HSDL2: variants seen among roughly 807,000 people sequenced by gnomAD.
HSDL2 encodes hydroxysteroid dehydrogenase-like protein 2.
HSDL2 carries 27 observed loss-of-function variants against 46.3 expected under a neutral mutation model. The ratio of observed to expected loss-of-function variants is 0.58; its 90% CI spans 0.43 to 0.80. The LOEUF (loss-of-function observed/expected upper bound fraction) is 0.80. Ranked by LOEUF, HSDL2 falls within the 30% of genes least tolerant of loss-of-function variation. HSDL2 has a pLI of 0.00. For missense variants in HSDL2, 451 were observed against 502.7 expected, an observed-to-expected ratio of 0.90 and a Z score of 0.98; for synonymous variants, 153 against 163.6, an observed-to-expected ratio of 0.94 and a Z score of 0.50.
Position 112,458,320 on chromosome 9 carries a change from C to CT in HSDL2, c.1016-1113dup, listed in dbSNP as rs202071222. 1.0e-4 allele frequency among the ~76,000 whole-genome samples: 12 copies of CT among 119,628 alleles called. 1 individual carries two copies. The highest frequency in any genetic ancestry group is 2.3e-4 in the East Asian group (1 of 4,412). The allele number at this position is 119,628 out of a possible 152,430, so 78.5% of individuals were successfully genotyped here. A position where few individuals can be genotyped will look rare whatever the true frequency, so the allele number is the denominator to read the frequency against. On this transcript the variant is annotated intron_variant, in intron 9 of 10. Coordinates refer to ENST00000398805, the MANE Select transcript of HSDL2 (RefSeq NM_032303.5). Reference sequence around the variant, plus strand: ...ATACATAACATTTTAACCACTTCTTCTTTTTTTTTTTTTTTTCTTTTGAGA... The same window carrying CT: ...ATACATAACATTTTAACCACTTCTTCTTTTTTTTTTTTTTTTTCTTTTGAGA...
Position 112,455,409 on chromosome 9 carries a change from T to C in HSDL2, c.1015+1247T>C, listed in dbSNP as rs184563279. ...TGCCATCCTTGGAATCCATCATCCA[T>C]GGCTTTAGTCACTCTCTTGCTTGTG... On this transcript the variant is annotated intron_variant, in intron 9 of 10. Transcript: ENST00000398805. 1.6e-3 allele frequency among the ~76,000 whole-genome samples: 248 copies of C among 152,342 alleles called. 1 individual carries two copies. Among genetic ancestry groups the C allele is most frequent in the African/African-American group, 5.8e-3 (242 of 41,580 alleles).
chr9:112,405,478 A>G (rs979477812), intron 2 of HSDL2, 146 bp from the exon 3 acceptor site: 23 of 564,516 alleles, frequency 4.1e-5, no homozygotes, highest in Non-Finnish European at 7.1e-5. Context: ...GTCCTGCTAT[A>G]TGGTAGAGTC....
intron 9 of HSDL2, among the ~76,000 whole-genome samples, chr9:112,457,621 G>C (rs574255847): frequency 1.3e-5 from 2 of 152,162 alleles, no homozygotes; most frequent in African/African-American, 4.8e-5. Flanking sequence ...CTCTAGCCTA[G>C]GCAACAGAGC....
At chr9:112,455,290 AAGGCTACCTC>A (rs1475429038) in intron 9 of HSDL2, among the ~76,000 whole-genome samples, 3 of 138,298 alleles carry the variant, frequency 2.2e-5, no homozygotes, top group African/African-American at 8.3e-5. Flanking sequence ...TAAAAAAAAA[AAGGCTACCTC>A]AGCCCCATTA....
At chr9:112,416,650 C>T (rs1480798754) in intron 4 of HSDL2, among the ~76,000 whole-genome samples, 191 bp from the exon 5 acceptor site, 3 of 150,642 alleles carry the variant, frequency 2.0e-5, no homozygotes, top group African/African-American at 4.9e-5. Context: ...CCTGTAGTTC[C>T]AGCTACTCGG....
chr9:112,401,616 A>G (rs767971869), intron 1 of HSDL2, among the ~76,000 whole-genome samples: 12 of 152,028 alleles, frequency 7.9e-5, no homozygotes, highest in Non-Finnish European at 1.8e-4. Context: ...GCCTGGGGCC[A>G]TAGTTTGCAG....
chr9:112,466,001 C>G (rs553332599), intron 10 of HSDL2, among the ~76,000 whole-genome samples: 1 of 152,160 alleles, frequency 6.6e-6, no homozygotes, highest in Non-Finnish European at 1.5e-5. Flanking sequence ...ACATTCCCAA[C>G]GGCAATGTAC....
chr9:112,437,255 T>G (rs1832548146), intron 6 of HSDL2, among the ~76,000 whole-genome samples: 1 of 152,084 alleles, frequency 6.6e-6, no homozygotes, highest in Admixed American at 6.6e-5. Flanking sequence ...CCACCGCACC[T>G]AGCTATTTTC....
chr9:112,408,453 T>C (rs917488134), intron 3 of HSDL2, among the ~76,000 whole-genome samples: 1 of 152,208 alleles, frequency 6.6e-6, no homozygotes, highest in Non-Finnish European at 1.5e-5. Context: ...TGGTTAGTCA[T>C]ATTATCTAAA....
intron 9 of HSDL2, among the ~76,000 whole-genome samples, chr9:112,456,601 C>A (rs1234828858): frequency 1.3e-5 from 2 of 152,304 alleles, no homozygotes; most frequent in East Asian, 3.9e-4. Context: ...CTATTCCTGA[C>A]ACTTTCTCTA....
chr9:112,416,366 C>A (rs1831992956), intron 4 of HSDL2, among the ~76,000 whole-genome samples: 1 of 150,678 alleles, frequency 6.6e-6, no homozygotes, highest in African/African-American at 2.4e-5. Context: ...GAGGCAGAGG[C>A]TACAATGAGA....
chr9:112,464,258 A>G (rs908331974), intron 10 of HSDL2, among the ~76,000 whole-genome samples: 2 of 145,580 alleles, frequency 1.4e-5, no homozygotes, highest in African/African-American at 5.1e-5. Flanking sequence ...ACACACACAC[A>G]AGTAAAATTG....
Position 112,419,097 on chromosome 9 carries a change from C to T in HSDL2, c.598+139C>T, listed in dbSNP as rs141876118. The T allele has an allele frequency of 3.1e-4, 132 of 427,364 alleles. 2 individuals carry two copies. In the East Asian group the frequency reaches 7.0e-3, roughly 23 times the overall value. 26.5% of individuals were successfully genotyped at this position (427,364 alleles called of 1,614,324 possible). A position where few individuals can be genotyped will look rare whatever the true frequency, so the allele number is the denominator to read the frequency against. Reference sequence around the variant, plus strand: ...GATCTTGGCTCACTGCAACCTCTGCCTCCTGGGTTCAAGCAGTTCTTGTGC... The same window carrying T: ...GATCTTGGCTCACTGCAACCTCTGCTTCCTGGGTTCAAGCAGTTCTTGTGC... On this transcript the variant is annotated intron_variant, in intron 6 of 10. Coordinates refer to ENST00000398805, the MANE Select transcript of HSDL2 (RefSeq NM_032303.5).
At position 112,444,422 on chromosome 9, in the gene HSDL2, G is replaced by GTT. The variant is rs34817199; in HGVS notation, c.865+2661_865+2662dup. ...AATGGACCTAGTTTTAAATTGATGG[G>GTT]TTTTTTTTTTCTTCCCATCTTAAAA... On this transcript the variant is annotated intron_variant, in intron 8 of 10. Transcript: ENST00000398805. 6.6e-5 allele frequency among the ~76,000 whole-genome samples: 10 copies of GTT among 151,308 alleles called. No individual in the cohort carries two copies. The East Asian group carries it at 1.2e-3, about 18-fold the overall frequency.
At position 112,471,161 on chromosome 9, in the gene HSDL2, A is replaced by G. The variant is rs932674605; in HGVS notation, c.*617A>G. The G allele has an allele frequency of 2.0e-5, 3 of 152,252 alleles. No homozygotes were observed. Among genetic ancestry groups the G allele is most frequent in the African/African-American group, 7.2e-5 (3 of 41,468 alleles). The allele number at this position is 152,252 out of a possible 1,614,324, so 9.4% of individuals were successfully genotyped here. A position where few individuals can be genotyped will look rare whatever the true frequency, so the allele number is the denominator to read the frequency against. ...TGCTGCATGTATTCCATTTAAAAAT[A>G]TGTTTAAATTGTCCTAAAACAAAAT... On this transcript the variant is annotated 3_prime_UTR_variant, in exon 11 of 11. Coordinates refer to ENST00000398805, the MANE Select transcript of HSDL2 (RefSeq NM_032303.5).
chr9:112,462,732 T>G (rs1262508694), intron 10 of HSDL2, among the ~76,000 whole-genome samples: 2 of 152,116 alleles, frequency 1.3e-5, no homozygotes, highest in Non-Finnish European at 2.9e-5. Flanking sequence ...TTTACCATCC[T>G]AAGTATAAAT....
chr9:112,397,369 T>C (rs908073830), intron 1 of HSDL2, among the ~76,000 whole-genome samples: 2 of 152,218 alleles, frequency 1.3e-5, no homozygotes, highest in Non-Finnish European at 2.9e-5. Context: ...GTTCACATTC[T>C]TAAAAGCTAA....
chr9:112,432,150 G>A (rs1353001516), intron 6 of HSDL2, among the ~76,000 whole-genome samples: 1 of 152,140 alleles, frequency 6.6e-6, no homozygotes, highest in African/African-American at 2.4e-5. Flanking sequence ...CCAAAGTGCT[G>A]GGATTACAGG....
At chr9:112,388,460 CAA>C (rs35133211) in intron 1 of HSDL2, among the ~76,000 whole-genome samples, 45,823 of 107,642 alleles carry the variant, frequency 0.43, 8,435 homozygotes, top group Middle Eastern at 0.48. Context: ...GACTCCATCT[CAA>C]AAAAAAAAAA....
Sources: gnomAD v4.1 joint callset for allele counts (sites outside exome capture counted in the v4.1 genomes callset) on GRCh38, gnomAD v4.1.1 for gene constraint, MANE v1.5 for transcripts, NCBI Gene and HGNC (gene_info 2026-07-23, HGNC 2026-07-21) for gene names.